Variants in RAB3C observed in about 807,000 individuals in gnomAD.
RAB3C encodes the protein RAB3C, member RAS oncogene family.
In RAB3C, 17 loss-of-function variants were observed where a neutral mutation model predicts 26.4. The ratio of observed to expected loss-of-function variants is 0.64; its 90% confidence interval spans 0.44 to 0.97. RAB3C has a LOEUF of 0.97. Ranked by LOEUF, RAB3C falls within the 50% of genes least tolerant of loss-of-function variation. RAB3C has a pLI of 0.00. For missense variants in RAB3C, 242 were observed against 281.9 expected, an observed-to-expected ratio of 0.86 and a Z score of 1.01; for synonymous variants, 91 against 95.9, an observed-to-expected ratio of 0.95 and a Z score of 0.30.
chr5:58,769,015 A>G (rs1255731881), intron 3 of RAB3C, among the ~76,000 whole-genome samples: 1 of 152,094 alleles, frequency 6.6e-6, no homozygotes, highest in East Asian at 1.9e-4. Context: ...GCAGCCTTGG[A>G]AGAAGGGAGA....
rs35992106 is a variant in RAB3C, at chr5:58,716,091, G to GA, written c.253-9899dup. Among the ~76,000 whole-genome samples, 673 of 141,642 alleles carry GA rather than the reference G, an allele frequency of 4.8e-3. 4 individuals carry two copies. The highest frequency in any genetic ancestry group is 0.011 in the Middle Eastern group (3 of 270). The allele number at this position is 141,642 out of a possible 152,430, so 92.9% of individuals were successfully genotyped here. ...TAAATACATAAAAGTCTTTCAGCAGGAAAAAAAAAAAAGAAATAAGGGGTT... is the reference window on the plus strand; with the variant it reads ...TAAATACATAAAAGTCTTTCAGCAGGAAAAAAAAAAAAAGAAATAAGGGGTT... On this transcript the variant is annotated intron_variant, in intron 2 of 4. Coordinates refer to ENST00000282878, the MANE Select transcript of RAB3C (RefSeq NM_138453.4).
At chr5:58,623,785 C>T (rs561162482) in intron 2 of RAB3C, among the ~76,000 whole-genome samples, 1 of 152,218 alleles carries the variant, frequency 6.6e-6, no homozygotes, top group South Asian at 2.1e-4. Flanking sequence ...ACCTGTGGAT[C>T]AGTAACTGTG....
chr5:58,797,372 TATATATATATATATATATATATATAC>T (rs1561133557), intron 3 of RAB3C, among the ~76,000 whole-genome samples: 1 of 64,784 alleles, frequency 1.5e-5, no homozygotes, highest in African/African-American at 6.7e-5. Flanking sequence ...ATATATAATA[TATATATATATATATATATATATATAC>T]ACAGAGAGAG....
At chr5:58,690,807 G>T (rs1672728603) in intron 2 of RAB3C, among the ~76,000 whole-genome samples, 1 of 152,158 alleles carries the variant, frequency 6.6e-6, no homozygotes, top group African/African-American at 2.4e-5. Context: ...AAAGCAGGAT[G>T]TATAGTTAGG....
Position 58,693,347 on chromosome 5 carries a change from T to TATATATATATATATATATATATATACAC in RAB3C, c.253-32640_253-32639insTATATATATACACATATATATATATATA, listed in dbSNP as rs1173401450. On this transcript the variant is annotated intron_variant, in intron 2 of 4. Coordinates refer to ENST00000282878, the MANE Select transcript of RAB3C (RefSeq NM_138453.4). ...TTATATATATATGTGTATATATATA[T>TATATATATATATATATATATATATACAC]ATATATATATATATAAAATTTCTTA... is the stretch of plus-strand genomic sequence containing the variant. 3.1e-3 allele frequency among the ~76,000 whole-genome samples: 431 copies of TATATATATATATATATATATATATACAC among 137,804 alleles called. 12 individuals are homozygous for TATATATATATATATATATATATATACAC. The highest frequency in any genetic ancestry group is 0.012 in the African/African-American group (394 of 33,684). The allele number at this position is 137,804 out of a possible 152,430, so 90.4% of individuals were successfully genotyped here. A position where few individuals can be genotyped will look rare whatever the true frequency, so the allele number is the denominator to read the frequency against.
chr5:58,593,043 A>G (rs1017049898), intron 1 of RAB3C, among the ~76,000 whole-genome samples: 1 of 152,000 alleles, frequency 6.6e-6, no homozygotes, highest in Admixed American at 6.6e-5. Context: ...TGCCAATTAC[A>G]TGTATGTTAG....
rs1026023795 is a variant in RAB3C, at chr5:58,767,922, G to A, written c.371+41802G>A. ...GATAATGATGTGATAGAGTGTCCAAGAGGCAGCTGTAGATTAAGTGGTCAT... is the reference window on the plus strand; with the variant it reads ...GATAATGATGTGATAGAGTGTCCAAAAGGCAGCTGTAGATTAAGTGGTCAT... On this transcript the variant is annotated intron_variant, in intron 3 of 4. Transcript: ENST00000282878. 4.1e-4 allele frequency among the ~76,000 whole-genome samples: 62 copies of A among 152,136 alleles called. 1 individual carries two copies. The highest frequency in any genetic ancestry group is 3.7e-3 in the Admixed American group (57 of 15,270).
chr5:58,845,612 A>ATATATATATATATATATATATATGTG, intron 4 of RAB3C, among the ~76,000 whole-genome samples: 7 of 81,720 alleles, frequency 8.6e-5, no homozygotes, highest in African/African-American at 4.1e-4. Context: ...ATATATATAT[A>ATATATATATATATATATATATATGTG]TGTGTGTGTG....
intron 3 of RAB3C, chr5:58,742,107 A>T (rs1741288588): frequency 6.6e-6 from 1 of 152,164 alleles, no homozygotes; most frequent in Non-Finnish European, 1.5e-5. Context: ...CGTAAAGCTG[A>T]CAAAAAATGG....
chr5:58,590,017 A>C (rs1263747438), intron 1 of RAB3C, among the ~76,000 whole-genome samples: 2 of 152,196 alleles, frequency 1.3e-5, no homozygotes, highest in Admixed American at 1.3e-4. Context: ...GACTGTCCAG[A>C]TCAAAGGCCA....
chr5:58,769,316 AAG>A (rs1241303303), intron 3 of RAB3C, among the ~76,000 whole-genome samples: 2 of 152,262 alleles, frequency 1.3e-5, no homozygotes, highest in African/African-American at 2.4e-5. Context: ...TAGTTCAGGA[AAG>A]AGAGAGAGTT....
In RAB3C at chr5:58,692,638, C is replaced by T. The variant is rs534588621; in HGVS notation, c.253-33364C>T. 2.0e-3 allele frequency among the ~76,000 whole-genome samples: 304 copies of T among 152,090 alleles called. 1 individual carries two copies. Among genetic ancestry groups the T allele is most frequent in the Non-Finnish European group, 3.3e-3 (227 of 68,004 alleles). On this transcript the variant is annotated intron_variant, in intron 2 of 4. Transcript: ENST00000282878. ...TAAGCATCAATATCCACCACCCCCA[C>T]CCCCAGATAGTTCCCTATCCATGCC...
rs76226237 is a variant in RAB3C at position 58,658,597 on chromosome 5, A to G, written c.252+40727A>G. The stretch of plus-strand genomic sequence containing the variant: ...TTACAGCCTAACCATGGTAAGGTTT[A>G]GTGGCGTAAAATGACAATTTCCTTA... On this transcript the variant is annotated intron_variant, in intron 2 of 4. Transcript: ENST00000282878. Among the ~76,000 whole-genome samples the G allele has an allele frequency of 4.0e-3, 605 of 152,332 alleles. 26 individuals are homozygous for G. The East Asian group carries it at 0.1, about 26-fold the overall frequency.
intron 2 of RAB3C, among the ~76,000 whole-genome samples, chr5:58,707,845 A>G (rs1748975672): frequency 6.6e-6 from 1 of 151,812 alleles, no homozygotes; most frequent in Admixed American, 6.6e-5. Flanking sequence ...TCTTCACTCT[A>G]TTTTTCCCCC....
intron 3 of RAB3C, among the ~76,000 whole-genome samples, chr5:58,766,588 A>G (rs72762115): frequency 0.013 from 2,020 of 152,242 alleles, 24 homozygotes; most frequent in Middle Eastern, 0.037. Context: ...CAAATGGCCA[A>G]ATGAGGAGGT....
At chr5:58,831,197 TG>T (rs1425574274) in intron 4 of RAB3C, among the ~76,000 whole-genome samples, 1 of 152,140 alleles carries the variant, frequency 6.6e-6, no homozygotes, top group Admixed American at 6.6e-5. Context: ...AGGACTTAAC[TG>T]AATTTAGTTT....
intron 2 of RAB3C, among the ~76,000 whole-genome samples, chr5:58,698,195 G>C (rs1416596457): frequency 6.6e-6 from 1 of 152,088 alleles, no homozygotes; most frequent in African/African-American, 2.4e-5. Flanking sequence ...GGTAATTTTG[G>C]CTGGATATGA....
chr5:58,583,837 C>T (rs1424660876), intron 1 of RAB3C, among the ~76,000 whole-genome samples: 2 of 152,152 alleles, frequency 1.3e-5, no homozygotes, highest in Non-Finnish European at 2.9e-5. Flanking sequence ...TTGGAGACAG[C>T]CCCCTCTGAG....
intron 3 of RAB3C, among the ~76,000 whole-genome samples, chr5:58,782,974 G>A (rs1742303780): frequency 6.6e-6 from 1 of 151,756 alleles, no homozygotes; most frequent in Admixed American, 6.6e-5. Context: ...TTCCTGGTAG[G>A]AGACTACCAT....
Sources: allele counts gnomAD v4.1 joint callset (sites outside exome capture counted in the v4.1 genomes callset), GRCh38; gene constraint gnomAD v4.1.1; transcripts MANE v1.5; gene names NCBI Gene and HGNC (gene_info 2026-07-23, HGNC 2026-07-21).